The following EFNB2 variants were observed in gnomAD, a reference collection of about 807,000 sequenced individuals.
EFNB2 encodes ephrin-B2.
In EFNB2, 5 loss-of-function variants were observed where a neutral mutation model predicts 32.1. That is an observed-to-expected ratio of 0.16 (90% CI 0.08 to 0.33). EFNB2 has a LOEUF of 0.33. EFNB2 is among the 10% of genes least tolerant of loss of function. EFNB2 has a pLI of 1.00. For missense variants in EFNB2, 263 were observed against 422.6 expected, an observed-to-expected ratio of 0.62 and a Z score of 3.31; for synonymous variants, 168 against 166.5, an observed-to-expected ratio of 1.01 and a Z score of -0.07.
At chr13:106,497,715 G>A (rs899050647) in intron 2 of EFNB2, among the ~76,000 whole-genome samples, 2 of 151,832 alleles carry the variant, frequency 1.3e-5, no homozygotes, top group Non-Finnish European at 2.9e-5. Flanking sequence ...GACAGGCCCC[G>A]GTGTGTGATT....
intron 2 of EFNB2, among the ~76,000 whole-genome samples, chr13:106,504,314 T>C (rs193060713): frequency 2.2e-4 from 34 of 152,340 alleles, no homozygotes; most frequent in Admixed American, 2.6e-4. Flanking sequence ...AGTTCATCTC[T>C]AGGCGGTGGG....
intron 1 of EFNB2, among the ~76,000 whole-genome samples, chr13:106,526,034 G>A (rs1401057466): frequency 4.6e-5 from 7 of 152,078 alleles, no homozygotes; most frequent in South Asian, 4.1e-4. Context: ...AGTTGCCAGC[G>A]TCACCTGGGA....
chr13:106,515,458 C>T (rs957633420), intron 1 of EFNB2, among the ~76,000 whole-genome samples: 1 of 152,080 alleles, frequency 6.6e-6, no homozygotes, highest in Non-Finnish European at 1.5e-5. Flanking sequence ...AAAAGTAAAT[C>T]GTGACAAAGC....
rs1001163971 is a variant in EFNB2 at position 106,491,172 on chromosome 13, G to A, written c.*1868C>T. The A allele has an allele frequency of 3.3e-5, 5 of 152,568 alleles. No homozygotes were observed. Among genetic ancestry groups the A allele is most frequent in the African/African-American group, 1.2e-4 (5 of 41,410 alleles). The allele number at this position is 152,568 out of a possible 1,614,324, so 9.5% of individuals were successfully genotyped here. On this transcript the variant is annotated 3_prime_UTR_variant, in exon 5 of 5. Coordinates refer to ENST00000646441, the MANE Select transcript of EFNB2 (RefSeq NM_004093.4). ...TCTAGAGAACACTTCAGCCCATAAG[G>A]CAAGGGAAAACCCAACGCAGAAATA...
intron 1 of EFNB2, among the ~76,000 whole-genome samples, chr13:106,528,934 G>T (rs2138944758): frequency 6.6e-6 from 1 of 152,316 alleles, no homozygotes; most frequent in Non-Finnish European, 1.5e-5. Flanking sequence ...TCAACTCAAA[G>T]TTTAAGACTC....
intron 1 of EFNB2, among the ~76,000 whole-genome samples, chr13:106,527,749 C>T (rs529016011): frequency 6.6e-6 from 1 of 152,324 alleles, no homozygotes; most frequent in African/African-American, 2.4e-5. Context: ...TTGCTAGATC[C>T]TCCTTCCTTA....
intron 1 of EFNB2, among the ~76,000 whole-genome samples, chr13:106,525,901 T>C (rs1257760900): frequency 1.3e-5 from 2 of 152,240 alleles, no homozygotes; most frequent in East Asian, 3.8e-4. Flanking sequence ...AGATCCCTGA[T>C]GCTCCCCCAA....
At chr13:106,529,639 G>A (rs1190481411) in intron 1 of EFNB2, among the ~76,000 whole-genome samples, 2 of 152,194 alleles carry the variant, frequency 1.3e-5, no homozygotes, top group African/African-American at 4.8e-5. Context: ...TTTCAGAGAC[G>A]TGTCATTTCT....
At chr13:106,532,070 AAAAAAAACC>A (rs775067753) in intron 1 of EFNB2, among the ~76,000 whole-genome samples, 32,030 of 131,366 alleles carry the variant, frequency 0.24, 4,075 homozygotes, top group East Asian at 0.66. Context: ...AAAAAAACAA[AAAAAAAACC>A]AAAACTTTAA....
chr13:106,529,661 A>C (rs761528125), intron 1 of EFNB2, among the ~76,000 whole-genome samples: 1 of 152,100 alleles, frequency 6.6e-6, no homozygotes, highest in Non-Finnish European at 1.5e-5. Context: ...ACATCAAGCT[A>C]ATCTATATGT....
chr13:106,507,101 G>T (rs1878978107), intron 2 of EFNB2, among the ~76,000 whole-genome samples: 1 of 152,148 alleles, frequency 6.6e-6, no homozygotes, highest in Non-Finnish European at 1.5e-5. Context: ...CTTGAACGCA[G>T]CCATTATGCA....
chr13:106,524,613 C>G (rs1368393788), intron 1 of EFNB2, among the ~76,000 whole-genome samples: 2 of 152,198 alleles, frequency 1.3e-5, no homozygotes, highest in African/African-American at 4.8e-5. Context: ...AAGCAGTTTT[C>G]TAAATATCAT....
intron 1 of EFNB2, among the ~76,000 whole-genome samples, chr13:106,532,823 G>GC (rs1491227708): frequency 1.1e-5 from 1 of 90,844 alleles, no homozygotes; most frequent in South Asian, 4.1e-4. Context: ...TCATCAGAAT[G>GC]GGGGGGGGGA....
chr13:106,502,213 C>G (rs1878806115), intron 2 of EFNB2, among the ~76,000 whole-genome samples: 1 of 152,122 alleles, frequency 6.6e-6, no homozygotes, highest in African/African-American at 2.4e-5. Flanking sequence ...CTATGCAACA[C>G]TATTAATTAG....
chr13:106,522,075 C>T (rs77507294), intron 1 of EFNB2, among the ~76,000 whole-genome samples: 2,057 of 151,574 alleles, frequency 0.014, 46 homozygotes, highest in African/African-American at 0.047. Flanking sequence ...ACCACACACG[C>T]ACCCCAAAAA....
intron 1 of EFNB2, among the ~76,000 whole-genome samples, chr13:106,525,003 T>C (rs992392649): frequency 1.3e-5 from 2 of 152,232 alleles, no homozygotes; most frequent in Admixed American, 1.3e-4. Context: ...TTTAATTTTT[T>C]CCTTGTATGC....
At chr13:106,494,532 T>C (rs150909637) in intron 4 of EFNB2, among the ~76,000 whole-genome samples, 1 of 151,312 alleles carries the variant, frequency 6.6e-6, no homozygotes, top group East Asian at 1.9e-4. Context: ...GATGAGGGAT[T>C]AGCACATTAA....
At chr13:106,528,276 T>TA (rs1566463942) in intron 1 of EFNB2, among the ~76,000 whole-genome samples, 1 of 152,176 alleles carries the variant, frequency 6.6e-6, no homozygotes, top group Non-Finnish European at 1.5e-5. Flanking sequence ...TAGTAATGGC[T>TA]ACAGTAATTC....
intron 2 of EFNB2, among the ~76,000 whole-genome samples, chr13:106,503,542 C>G (rs943313809): frequency 6.6e-6 from 1 of 152,070 alleles, no homozygotes; most frequent in African/African-American, 2.4e-5. Flanking sequence ...TACAGGGACT[C>G]GAGGTCCTAA....
Sources: gnomAD v4.1 joint callset for allele counts (sites outside exome capture counted in the v4.1 genomes callset) on GRCh38, gnomAD v4.1.1 for gene constraint, MANE v1.5 for transcripts, NCBI Gene and HGNC (gene_info 2026-07-23, HGNC 2026-07-21) for gene names.